The following NR5A2 variants were observed in gnomAD, a reference collection of about 807,000 sequenced individuals.
NR5A2 encodes CYP7A promoter-binding factor.
Under a neutral mutation model 62.7 loss-of-function variants are expected in NR5A2, and 26 were observed. The ratio of observed to expected loss-of-function variants is 0.41; its 90% confidence interval spans 0.30 to 0.58. NR5A2 has a LOEUF of 0.58. Among genes scored for constraint, NR5A2 ranks in the 20% least tolerant of loss-of-function variants. The pLI is 0.22. For synonymous variants in NR5A2, 246 were observed against 241.7 expected (o/e 1.02, Z -0.16); for missense variants, 541 against 669.1 (o/e 0.81, Z 2.11).
Position 200,039,934 on chromosome 1 carries a change from T to C in NR5A2, c.202+139T>C. 1 of 891,636 alleles carries C rather than the reference T, an allele frequency of 1.1e-6. No individual in the cohort carries two copies. Among genetic ancestry groups the C allele is most frequent in the South Asian group, 1.9e-5 (1 of 52,378 alleles). 55.2% of individuals were successfully genotyped at this position (891,636 alleles called of 1,614,324 possible). A position where few individuals can be genotyped will look rare whatever the true frequency, so the allele number is the denominator to read the frequency against. ...TCGCAGCCGCGGGAGTCAAGCCCCCTCCCCAGGTGCAGGCATAAAAGTTTA... is the reference window on the plus strand; with the variant it reads ...TCGCAGCCGCGGGAGTCAAGCCCCCCCCCCAGGTGCAGGCATAAAAGTTTA... On this transcript the variant is annotated intron_variant, in intron 2 of 7. Transcript: ENST00000367362. The surrounding 1 kb of genome is among the most constrained non-coding windows in gnomAD (Gnocchi z 5.1).
intron 5 of NR5A2, among the ~76,000 whole-genome samples, chr1:200,096,842 G>A (rs530456268): frequency 6.6e-6 from 1 of 152,282 alleles, no homozygotes; most frequent in Admixed American, 6.5e-5. Context: ...ATGCTGTACA[G>A]GTTTGTAGCC....
chr1:200,098,907 T>G (rs1400152778), intron 5 of NR5A2, among the ~76,000 whole-genome samples: 2 of 152,218 alleles, frequency 1.3e-5, no homozygotes, highest in Admixed American at 1.3e-4. Flanking sequence ...ATCTAGAAAT[T>G]TTTAACAAAG....
chr1:200,107,285 C>A (rs1243472401), intron 5 of NR5A2, among the ~76,000 whole-genome samples: 1 of 143,394 alleles, frequency 7.0e-6, no homozygotes, highest in African/African-American at 2.6e-5. Flanking sequence ...CTTCATTTAG[C>A]AAGCATTTAT....
intron 5 of NR5A2, among the ~76,000 whole-genome samples, chr1:200,075,375 A>G (rs1663977616): frequency 6.6e-6 from 1 of 152,270 alleles, no homozygotes; most frequent in Non-Finnish European, 1.5e-5. Flanking sequence ...TAGTTTTAAT[A>G]TAGGTTGATT....
At position 200,147,204 on chromosome 1, in the gene NR5A2, G is replaced by T. The variant is rs1416583256; in HGVS notation, c.1378+26249G>T. Among the ~76,000 whole-genome samples the T allele has an allele frequency of 6.6e-6, 1 of 152,152 alleles. No homozygotes were observed. The highest frequency in any genetic ancestry group is 1.5e-5 in the Non-Finnish European group (1 of 68,020). On this transcript the variant is annotated intron_variant, in intron 7 of 7. Transcript: ENST00000367362. The surrounding 1 kb of genome is among the most constrained non-coding windows in gnomAD (Gnocchi z 4.9). ...CAATTGTTTCACGCAAAAAATAGAG[G>T]GGGGCACCTCGCTGAAGCCAGCGAG...
chr1:200,054,199 G>A (rs960467703), intron 5 of NR5A2: 2 of 152,194 alleles, frequency 1.3e-5, no homozygotes, highest in Non-Finnish European at 2.9e-5. Flanking sequence ...TGATAGGTGA[G>A]CCACTAATAA....
At chr1:200,088,996 C>T (rs1007457265) in intron 5 of NR5A2, among the ~76,000 whole-genome samples, 6 of 152,206 alleles carry the variant, frequency 3.9e-5, no homozygotes, top group African/African-American at 1.4e-4. Flanking sequence ...GCTCCTCTCC[C>T]TCTACCCAAT....
intron 7 of NR5A2, among the ~76,000 whole-genome samples, chr1:200,136,584 A>G (rs547052418): frequency 1.1e-3 from 166 of 152,336 alleles, no homozygotes; most frequent in African/African-American, 3.7e-3. Flanking sequence ...TTGCTGAGCT[A>G]GTAAGTAATA....
intron 7 of NR5A2, among the ~76,000 whole-genome samples, chr1:200,128,013 A>C (rs1222761537): frequency 6.6e-6 from 1 of 152,056 alleles, no homozygotes; most frequent in Admixed American, 6.6e-5. Context: ...GAAATACTTC[A>C]CCTGAATTTC....
intron 6 of NR5A2, among the ~76,000 whole-genome samples, chr1:200,116,345 A>C (rs992087717): frequency 6.6e-6 from 1 of 152,234 alleles, no homozygotes; most frequent in Admixed American, 6.5e-5. Flanking sequence ...TTGTCATAGC[A>C]GAGAAAAAAG....
At chr1:200,143,482 G>C (rs1667535588) in intron 7 of NR5A2, among the ~76,000 whole-genome samples, 1 of 151,296 alleles carries the variant, frequency 6.6e-6, no homozygotes, top group African/African-American at 2.4e-5. Context: ...AAAAGGAGTG[G>C]AAGTTTGGAA....
intron 5 of NR5A2, among the ~76,000 whole-genome samples, chr1:200,101,716 A>G (rs576448619): frequency 1.3e-5 from 2 of 152,316 alleles, no homozygotes; most frequent in African/African-American, 2.4e-5. Context: ...GTGGCTATAT[A>G]TGGAAACTTA....
intron 2 of NR5A2, among the ~76,000 whole-genome samples, chr1:200,041,497 A>G (rs889878704): frequency 6.6e-6 from 1 of 152,086 alleles, no homozygotes; most frequent in Non-Finnish European, 1.5e-5. Context: ...CCCACCTGGG[A>G]CGCCTCCGTA....
rs918720416 is a variant in NR5A2, at chr1:200,165,077, A to G, written c.1379-8886A>G. Reference sequence around the variant, plus strand: ...TTTTTAGTAGAGACAGGGTTTCACCATGTTGACCAGGCTGGTCTCAAACTC... The same window carrying G: ...TTTTTAGTAGAGACAGGGTTTCACCGTGTTGACCAGGCTGGTCTCAAACTC... On this transcript the variant is annotated intron_variant, in intron 7 of 7. Transcript: ENST00000367362. Among the ~76,000 whole-genome samples the G allele has an allele frequency of 3.3e-5, 5 of 151,688 alleles. No homozygotes were observed. The East Asian group carries it at 9.7e-4, about 29-fold the overall frequency.
intron 1 of NR5A2, among the ~76,000 whole-genome samples, chr1:200,035,493 G>C (rs1277178618): frequency 6.6e-6 from 1 of 152,112 alleles, no homozygotes; most frequent in Non-Finnish European, 1.5e-5. Context: ...AGGTCGAGTT[G>C]ATTGCTCCCA....
rs1665926895 is a variant in NR5A2 at position 200,111,198 on chromosome 1, G to T, written c.1111-4G>T. On this transcript the variant is annotated splice_polypyrimidine_tract_variant and splice_region_variant and intron_variant, in intron 5 of 7. Coordinates refer to ENST00000367362, the MANE Select transcript of NR5A2 (RefSeq NM_205860.3). ...TTGTTTGTTTGTTTCTATTTCTTTT[G>T]CAGGTTGATGACCAAATGAAGCTGC... 6.2e-7 allele frequency: 1 copy of T among 1,602,472 alleles called. No homozygotes were observed. Among genetic ancestry groups the T allele is most frequent in the Non-Finnish European group, 8.5e-7 (1 of 1,176,664 alleles).
chr1:200,157,573 G>C (rs1250401866), intron 7 of NR5A2, among the ~76,000 whole-genome samples: 1 of 152,044 alleles, frequency 6.6e-6, no homozygotes, highest in Non-Finnish European at 1.5e-5. Flanking sequence ...AATCTTTCTT[G>C]TTATTTTCTC....
At chr1:200,110,412 G>A (rs796095801) in intron 5 of NR5A2, among the ~76,000 whole-genome samples, 14 of 152,280 alleles carry the variant, frequency 9.2e-5, no homozygotes, top group African/African-American at 2.9e-4. Flanking sequence ...TGTCATTGAA[G>A]AATGCAGTTC....
chr1:200,105,298 C>T (rs1364746706), intron 5 of NR5A2, among the ~76,000 whole-genome samples: 1 of 151,884 alleles, frequency 6.6e-6, no homozygotes, highest in Non-Finnish European at 1.5e-5. Flanking sequence ...GTTCCAAGAG[C>T]ATTCTAACAG....
Sources: gnomAD v4.1 joint callset for allele counts (sites outside exome capture counted in the v4.1 genomes callset) on GRCh38, gnomAD v4.1.1 for gene constraint, Gnocchi (gnomAD v3.1) non-coding constraint, MANE v1.5 for transcripts, NCBI Gene and HGNC (gene_info 2026-07-23, HGNC 2026-07-21) for gene names.